SNED1: variants seen among roughly 807,000 people sequenced by gnomAD.
SNED1 encodes sushi, nidogen and EGF-like domain-containing protein 1.
A neutral mutation model predicts 166.7 loss-of-function variants in SNED1; 81 were observed. That is an observed-to-expected ratio of 0.49 (90% CI 0.41 to 0.58). The LOEUF is 0.58. Ranked by LOEUF, SNED1 falls within the 20% of genes least tolerant of loss-of-function variation. The pLI is 0.00. For synonymous variants in SNED1, 762 were observed against 822.0 expected (o/e 0.93, Z 1.25); for missense variants, 1,604 against 2,000.2 (o/e 0.80, Z 3.78).
In SNED1 at chr2:241,071,776, C is replaced by G. The variant is rs753891365; in HGVS notation, c.3735-20C>G. 13 of 1,567,540 alleles carry G rather than the reference C, an allele frequency of 8.3e-6. No individual in the cohort carries two copies. In the South Asian group the frequency reaches 1.5e-4, roughly 18 times the overall value. ...CGAGGCGGCGCTCGGACTGTGGTGA[C>G]CCTCCCACCCTCTCTGCAGGTTCTC... On this transcript the variant is annotated intron_variant, in intron 25 of 31. Transcript: ENST00000310397.
chr2:241,005,974 A>AT (rs1304576529), intron 1 of SNED1, among the ~76,000 whole-genome samples: 1 of 151,836 alleles, frequency 6.6e-6, no homozygotes, highest in Non-Finnish European at 1.5e-5. Flanking sequence ...ATCTTCACAT[A>AT]TTTTTTCTGT....
At chr2:241,048,293 G>T (rs1191765753) in intron 8 of SNED1, 22 bp from the exon 9 acceptor site, 1 of 1,578,510 alleles carries the variant, frequency 6.3e-7, no homozygotes, top group Non-Finnish European at 8.6e-7. Context: ...GTGGCCGCTG[G>T]TGACTGCCGT....
chr2:241,071,730 C>T lies in SNED1; in HGVS notation c.3734+10C>T, dbSNP rs762181005. On this transcript the variant is annotated intron_variant, in intron 25 of 31. Transcript: ENST00000310397. ...CCACCCAGCCCCCCAGGTACATGCCCCACCCATCGGCCCCATCGCCCGAGG... is the reference window on the plus strand; with the variant it reads ...CCACCCAGCCCCCCAGGTACATGCCTCACCCATCGGCCCCATCGCCCGAGG... 11 of 1,512,426 alleles carry T rather than the reference C, an allele frequency of 7.3e-6. No individual in the cohort carries two copies. Among genetic ancestry groups the T allele is most frequent in the Admixed American group, 2.0e-5 (1 of 50,798 alleles). 93.7% of individuals were successfully genotyped at this position (1,512,426 alleles called of 1,614,324 possible). A position where few individuals can be genotyped will look rare whatever the true frequency, so the allele number is the denominator to read the frequency against.
chr2:241,052,379 C>A lies in SNED1; in HGVS notation c.1994C>A (p.Pro665Gln), dbSNP rs370553211. The A allele has an allele frequency of 6.3e-7, 1 of 1,585,500 alleles. No homozygotes were observed. The highest frequency in any genetic ancestry group is 8.6e-7 in the Non-Finnish European group (1 of 1,164,738). The part of the protein sequence containing the change: ...EIAPSPCFRS[P>Q]CVNGGTCEDR... ...GCCCCCTCCCCCTGCTTCCGGAGCC[C>A]GTGTGTGAATGGGGGCACCTGCGAG... The change falls in exon 15 of 32, where the codon CCG (proline) becomes CAG (glutamine). Residue 665 changes from proline (P) to glutamine (Q), a missense_variant. By Grantham distance (76) the Pro-to-Gln change is moderately conservative. Transcript: ENST00000310397.
At chr2:241,081,550 G>A (rs1027911382) in intron 27 of SNED1, 127 bp from the exon 28 acceptor site, 10 of 698,888 alleles carry the variant, frequency 1.4e-5, no homozygotes, top group Admixed American at 2.2e-5. Flanking sequence ...GGAGGCCACC[G>A]CAGCACACCA....
Position 241,064,918 on chromosome 2 carries a change from A to G in SNED1, c.2674A>G (p.Thr892Ala), listed in dbSNP as rs1289218610. The change falls in exon 20 of 32, where the codon ACC becomes GCC. Residue 892 changes from threonine (T) to alanine (A), a missense_variant. By Grantham distance (58) the Thr-to-Ala change is moderately conservative (BLOSUM62 0). This residue lies in a region of SNED1 where 1,237 missense variants were observed against 1,620.8 expected (regional missense o/e 0.76). Coordinates refer to ENST00000310397, the MANE Select transcript of SNED1 (RefSeq NM_001080437.3). This position sits in a 1 kb window ranked among gnomAD's most constrained non-coding sequence, Gnocchi z 7.0. Reference protein sequence around the residue: ...CLASNGSHSCTCKVGYTGEDC... With the variant: ...CLASNGSHSCACKVGYTGEDC... Reference sequence around the variant, plus strand: ...GGCCAGCAACGGCTCCCACAGCTGCACCTGCAAAGTGGGCTACACGGGCGA... The same window carrying G: ...GGCCAGCAACGGCTCCCACAGCTGCGCCTGCAAAGTGGGCTACACGGGCGA... 9 of 1,586,282 alleles carry G rather than the reference A, an allele frequency of 5.7e-6. No individual in the cohort carries two copies. The highest frequency in any genetic ancestry group is 7.7e-6 in the Non-Finnish European group (9 of 1,171,570).
rs912429399 is a variant in SNED1 at position 240,998,762 on chromosome 2, C to A, written c.-76C>A. On this transcript the variant is annotated 5_prime_UTR_variant, in exon 1 of 32. Transcript: ENST00000310397. The stretch of plus-strand genomic sequence containing the variant: ...CTCCCCGCACCCCGCCTGGCCCTGC[C>A]GGCCACCCCCGCGCGCAGCCTAGTC... 2 of 691,280 alleles carry A rather than the reference C, an allele frequency of 2.9e-6. No homozygotes were observed. The highest frequency in any genetic ancestry group is 6.1e-5 in the Admixed American group (1 of 16,426). 42.8% of individuals were successfully genotyped at this position (691,280 alleles called of 1,614,324 possible).
chr2:241,030,544 C>G lies in SNED1; in HGVS notation c.474C>G (p.Thr158=), dbSNP rs1384985544. The change falls in exon 2 of 32, where the codon ACC becomes ACG. Residue 158 remains threonine (T), a synonymous_variant. Coordinates refer to ENST00000310397, the MANE Select transcript of SNED1 (RefSeq NM_001080437.3). ...TTGTTGCCACCTGGTACCGAGTGAC[C>G]TTCTTTGGAGGCAGTTCCTCATCCC... ...WVFVATWYRV[T]FFGGSSSSPV... 5.6e-6 allele frequency: 9 copies of G among 1,613,848 alleles called. No homozygotes were observed. In the East Asian group the frequency reaches 2.0e-4, roughly 36 times the overall value.
intron 27 of SNED1, among the ~76,000 whole-genome samples, chr2:241,079,599 G>A: frequency 6.6e-6 from 1 of 152,072 alleles, no homozygotes; most frequent in African/African-American, 2.4e-5. Flanking sequence ...AGGCTTCTCT[G>A]AATGAACCTT....
chr2:241,011,020 C>A (rs1428435890), intron 1 of SNED1, among the ~76,000 whole-genome samples: 1 of 152,180 alleles, frequency 6.6e-6, no homozygotes, highest in Non-Finnish European at 1.5e-5. Flanking sequence ...CTCTACCCTG[C>A]AGACCCAGAA....
chr2:241,088,698 T>C (rs879814899), intron 31 of SNED1: 1 of 418,084 alleles, frequency 2.4e-6, no homozygotes, highest in Non-Finnish European at 4.3e-6. Flanking sequence ...AAGAAACCCC[T>C]AGATCAGCTG....
chr2:241,010,966 G>A (rs191830306), intron 1 of SNED1, among the ~76,000 whole-genome samples: 24 of 152,324 alleles, frequency 1.6e-4, no homozygotes, highest in Admixed American at 4.6e-4. Flanking sequence ...TCCACAGGGA[G>A]AGACTGGAGT....
At chr2:241,039,762 AG>A (rs1309043620) in intron 6 of SNED1, among the ~76,000 whole-genome samples, 1 of 152,126 alleles carries the variant, frequency 6.6e-6, no homozygotes, top group East Asian at 1.9e-4. Context: ...AGAGCCACCT[AG>A]GGAGGGACCA....
At chr2:241,053,518 T>C (rs899951508) in intron 16 of SNED1, among the ~76,000 whole-genome samples, 192 bp downstream of exon 16, 1 of 152,210 alleles carries the variant, frequency 6.6e-6, no homozygotes, top group African/African-American at 2.4e-5. Flanking sequence ...CACAGTCAAC[T>C]TTGCTCTGGG....
chr2:241,095,075 C>G lies in SNED1; in HGVS notation c.*3439C>G, dbSNP rs867559287. 21 of 79,586 alleles carry G rather than the reference C, an allele frequency of 2.6e-4. No homozygotes were observed. The highest frequency in any genetic ancestry group is 6.3e-4 in the African/African-American group (15 of 23,852). 4.9% of individuals were successfully genotyped at this position (79,586 alleles called of 1,614,324 possible). A position where few individuals can be genotyped will look rare whatever the true frequency, so the allele number is the denominator to read the frequency against. On this transcript the variant is annotated 3_prime_UTR_variant, in exon 32 of 32. Transcript: ENST00000310397. ...AAGGTGACACGCCCCCCCCCCCCCCCACACCCACCTTGGGGGGTCACGGAT... is the reference window on the plus strand; with the variant it reads ...AAGGTGACACGCCCCCCCCCCCCCCGACACCCACCTTGGGGGGTCACGGAT...
At chr2:241,090,389 G>A (rs1239233547) in intron 31 of SNED1, 1 of 1,550,030 alleles carries the variant, frequency 6.5e-7, no homozygotes, top group East Asian at 2.4e-5. Flanking sequence ...GAAACCTCCT[G>A]AAGGACCTGC....
intron 1 of SNED1, among the ~76,000 whole-genome samples, chr2:241,021,243 G>A (rs2060764542): frequency 6.6e-6 from 1 of 152,198 alleles, no homozygotes. Context: ...CACATCCAGA[G>A]AGGGTCCAGG....
chr2:241,019,811 T>C (rs996924867), intron 1 of SNED1, among the ~76,000 whole-genome samples: 1 of 152,232 alleles, frequency 6.6e-6, no homozygotes, highest in Non-Finnish European at 1.5e-5. Flanking sequence ...TGTCTCAGGC[T>C]GTGGTCTTCC....
chr2:241,046,154 TACTG>T (rs1370402661), intron 8 of SNED1, among the ~76,000 whole-genome samples: 2 of 152,154 alleles, frequency 1.3e-5, no homozygotes, highest in Non-Finnish European at 2.9e-5. Flanking sequence ...AAAAAAATAA[TACTG>T]ACCTGGTGTA....
Sources: gnomAD v4.1 joint callset for allele counts (sites outside exome capture counted in the v4.1 genomes callset) on GRCh38, gnomAD v4.1.1 for gene constraint, gnomAD v4.1.1 regional missense constraint, Gnocchi (gnomAD v3.1) non-coding constraint, MANE v1.5 for transcripts, NCBI Gene and HGNC (gene_info 2026-07-23, HGNC 2026-07-21) for gene names.